KATNIP: variants seen among roughly 807,000 people sequenced by gnomAD.
The protein encoded by KATNIP is katanin interacting protein, also known as katanin-interacting protein.
Under a neutral mutation model 174.0 loss-of-function variants are expected in KATNIP, and 126 were observed. The observed-to-expected ratio is 0.72, with a 90% CI of 0.63 to 0.84. KATNIP has a LOEUF of 0.84. Ranked by LOEUF, KATNIP falls within the 40% of genes least tolerant of loss-of-function variation. The pLI is 0.00. For missense variants in KATNIP, 1,958 were observed against 2,109.7 expected (o/e 0.93, Z 1.41); for synonymous variants, 810 against 835.7 (o/e 0.97, Z 0.53).
intron 12 of KATNIP, among the ~76,000 whole-genome samples, chr16:27,707,849 A>G (rs969379278): frequency 5.3e-5 from 8 of 152,160 alleles, no homozygotes; most frequent in Non-Finnish European, 1.2e-4. Context: ...TGTGTGTCCA[A>G]CTTTCCTCTT....
chr16:27,682,612 T>C (rs2142828512), intron 8 of KATNIP, among the ~76,000 whole-genome samples: 1 of 152,250 alleles, frequency 6.6e-6, no homozygotes. Context: ...GGTATGAGAT[T>C]AGTTGTGACT....
intron 3 of KATNIP, among the ~76,000 whole-genome samples, chr16:27,626,420 T>A (rs904179460): frequency 6.6e-6 from 1 of 152,178 alleles, no homozygotes; most frequent in South Asian, 2.1e-4. Flanking sequence ...ATATGGCATT[T>A]TCTATATTTT....
chr16:27,713,027 C>T (rs1567334756), intron 13 of KATNIP, among the ~76,000 whole-genome samples: 1 of 152,142 alleles, frequency 6.6e-6, no homozygotes, highest in African/African-American at 2.4e-5. Flanking sequence ...AGGCTAATCT[C>T]GATCTCCTGG....
intron 19 of KATNIP, among the ~76,000 whole-genome samples, chr16:27,761,873 C>T (rs1186005030): frequency 6.6e-6 from 1 of 152,210 alleles, no homozygotes. Flanking sequence ...ATTTTCTTCT[C>T]TGTGCTTAGC....
intron 2 of KATNIP, among the ~76,000 whole-genome samples, chr16:27,580,282 G>T (rs2090647367): frequency 6.6e-6 from 1 of 152,060 alleles, no homozygotes; most frequent in South Asian, 2.1e-4. Context: ...CCAGCTAATT[G>T]TTGTATTTTT....
chr16:27,654,537 C>T (rs2077208281), intron 6 of KATNIP: 5 of 1,290,466 alleles, frequency 3.9e-6, no homozygotes, highest in South Asian at 2.3e-5. Flanking sequence ...AACAGAAGAG[C>T]GAGGCCCCAG....
At chr16:27,607,595 T>G (rs1230316585) in intron 2 of KATNIP, among the ~76,000 whole-genome samples, 2 of 7,118 alleles carry the variant, frequency 2.8e-4, no homozygotes, top group Admixed American at 2.8e-3. Context: ...AGTCAGTGTC[T>G]TTTTTTTTTT....
intron 2 of KATNIP, among the ~76,000 whole-genome samples, chr16:27,596,932 A>T (rs2075355263): frequency 6.6e-6 from 1 of 152,210 alleles, no homozygotes. Flanking sequence ...CTGAGGCAGG[A>T]GAATCACTTG....
At chr16:27,738,041 C>T (rs76990126) in intron 14 of KATNIP, among the ~76,000 whole-genome samples, 2,572 of 152,132 alleles carry the variant, frequency 0.017, 34 homozygotes, top group Middle Eastern at 0.027. Flanking sequence ...GATTCACTGA[C>T]GGGGTGACGG....
intron 14 of KATNIP, among the ~76,000 whole-genome samples, chr16:27,725,525 C>A (rs2080413272): frequency 1.3e-5 from 2 of 152,108 alleles, no homozygotes; most frequent in Admixed American, 6.6e-5. Flanking sequence ...AAGTGACTTG[C>A]CCAGCTAGCA....
intron 2 of KATNIP, among the ~76,000 whole-genome samples, chr16:27,612,798 C>T (rs1394648658): frequency 4.0e-5 from 6 of 151,858 alleles, no homozygotes; most frequent in African/African-American, 9.7e-5. Context: ...GGGCACTTGC[C>T]AGTCCTACTG....
At position 27,636,971 on chromosome 16, in the gene KATNIP, C is replaced by A. The variant is rs540941966; in HGVS notation, c.408+5809C>A. 7.2e-5 allele frequency among the ~76,000 whole-genome samples: 11 copies of A among 152,364 alleles called. No homozygotes were observed. In the South Asian group the frequency reaches 2.1e-3, roughly 29 times the overall value. On this transcript the variant is annotated intron_variant, in intron 5 of 27. Transcript: ENST00000261588. ...TAGACCCTGGAACCTTCCAGCAGCC[C>A]CAGTGCAAAGCCTTGGCTCCGCCTC...
chr16:27,733,753 G>C (rs1157061489), intron 14 of KATNIP, among the ~76,000 whole-genome samples: 2 of 152,118 alleles, frequency 1.3e-5, no homozygotes, highest in African/African-American at 4.8e-5. Flanking sequence ...GAAGCAGGCT[G>C]GTTCTTGAGG....
intron 15 of KATNIP, among the ~76,000 whole-genome samples, chr16:27,743,700 G>A (rs2081188405): frequency 6.6e-6 from 1 of 152,184 alleles, no homozygotes; most frequent in Non-Finnish European, 1.5e-5. Context: ...TCATTTTACA[G>A]ATAAAGGGAA....
chr16:27,694,220 A>G (rs12447703), intron 8 of KATNIP, among the ~76,000 whole-genome samples: 25,212 of 152,130 alleles, frequency 0.17, 2,251 homozygotes, highest in African/African-American at 0.23. Context: ...TGCCAGTGAC[A>G]TTCTTGATGT....
intron 8 of KATNIP, among the ~76,000 whole-genome samples, chr16:27,697,804 ATG>A (rs917178298): frequency 6.6e-6 from 1 of 151,890 alleles, no homozygotes; most frequent in African/African-American, 2.4e-5. Flanking sequence ...GCATGTGCAT[ATG>A]TGTGTGTGCA....
chr16:27,721,505 T>TG, intron 13 of KATNIP, 53 bp from the exon 14 acceptor site: 1 of 1,610,976 alleles, frequency 6.2e-7, no homozygotes, highest in Non-Finnish European at 8.5e-7. Flanking sequence ...CATTTTACTT[T>TG]GGGGAGAGGC....
At chr16:27,743,124 T>C (rs12933955) in intron 15 of KATNIP, among the ~76,000 whole-genome samples, 33,883 of 152,134 alleles carry the variant, frequency 0.22, 4,369 homozygotes, top group African/African-American at 0.37. Context: ...GTTTTCTGTT[T>C]CTGCATTAGT....
chr16:27,622,715 A>G (rs2142093605), intron 3 of KATNIP, among the ~76,000 whole-genome samples: 1 of 152,204 alleles, frequency 6.6e-6, no homozygotes, highest in East Asian at 1.9e-4. Context: ...GCCCCAGGAG[A>G]AGATCCAGGC....
Sources: allele counts gnomAD v4.1 joint callset (sites outside exome capture counted in the v4.1 genomes callset), GRCh38; gene constraint gnomAD v4.1.1; transcripts MANE v1.5; gene names NCBI Gene and HGNC (gene_info 2026-07-23, HGNC 2026-07-21).